The following LIPH variants were observed in gnomAD, a reference collection of about 807,000 sequenced individuals.
LIPH encodes lipase H.
Under a neutral mutation model 47.6 loss-of-function variants are expected in LIPH, and 32 were observed. The observed-to-expected ratio is 0.67, with a 90% CI of 0.51 to 0.90. The LOEUF (loss-of-function observed/expected upper bound fraction) is 0.90. Ranked by LOEUF, LIPH falls within the 40% of genes least tolerant of loss-of-function variation. The probability of loss-of-function intolerance (pLI) is 0.00; values close to 1 mark genes in which losing one functional copy is unlikely to be tolerated. For synonymous variants in LIPH, 190 were observed against 195.6 expected, an observed-to-expected ratio of 0.97 and a Z score of 0.24; for missense variants, 497 against 541.4, an observed-to-expected ratio of 0.92 and a Z score of 0.81.
At chr3:185,518,994 G>C (rs1304931229) in intron 6 of LIPH, 148 bp downstream of exon 6, 9 of 705,680 alleles carry the variant, frequency 1.3e-5, no homozygotes, top group Non-Finnish European at 2.0e-5. Flanking sequence ...AAAGTGCTGG[G>C]ATTACAGGCA....
chr3:185,510,183 A>C (rs1719517922), intron 9 of LIPH, among the ~76,000 whole-genome samples: 1 of 152,154 alleles, frequency 6.6e-6, no homozygotes, highest in Non-Finnish European at 1.5e-5. Context: ...TCCTGACCTC[A>C]GGTGATCCGC....
At chr3:185,538,217 A>G (rs758427954) in intron 1 of LIPH, among the ~76,000 whole-genome samples, 2 of 152,218 alleles carry the variant, frequency 1.3e-5, no homozygotes, top group African/African-American at 2.4e-5. Context: ...AATACTAAAT[A>G]TTATAAAAGC....
At chr3:185,522,216 C>T (rs1719914623) in intron 5 of LIPH, among the ~76,000 whole-genome samples, 1 of 152,196 alleles carries the variant, frequency 6.6e-6, no homozygotes, top group African/African-American at 2.4e-5. Context: ...ACTGCAACCA[C>T]TTGTAAAAAG....
intron 4 of LIPH, 107 bp downstream of exon 4, chr3:185,527,377 G>T (rs1386373565): frequency 2.3e-6 from 2 of 872,022 alleles, no homozygotes; most frequent in African/African-American, 1.7e-5. Flanking sequence ...GGAAAAAAAA[G>T]TTAGAATCTA....
intron 1 of LIPH, 93 bp from the exon 2 acceptor site, chr3:185,535,225 A>G (rs1720469802): frequency 7.0e-7 from 1 of 1,437,562 alleles, no homozygotes; most frequent in South Asian, 1.2e-5. Context: ...AGTTCTTCTT[A>G]TGTTCCTGAT....
chr3:185,523,922 A>C, intron 5 of LIPH, 149 bp downstream of exon 5: 1 of 588,236 alleles, frequency 1.7e-6, no homozygotes, highest in East Asian at 3.2e-5. Context: ...GGGTTTCACT[A>C]TGTTGGCCAG....
chr3:185,534,408 A>G (rs1280606539), intron 2 of LIPH, among the ~76,000 whole-genome samples: 1 of 152,104 alleles, frequency 6.6e-6, no homozygotes, highest in Non-Finnish European at 1.5e-5. Flanking sequence ...AAGAAATCCT[A>G]GACAGAACCT....
intron 3 of LIPH, among the ~76,000 whole-genome samples, chr3:185,528,148 C>T (rs1005250165): frequency 1.7e-4 from 25 of 150,960 alleles, no homozygotes; most frequent in African/African-American, 5.8e-4. Context: ...CGCTTGAACC[C>T]GGGAGGCAGA....
At chr3:185,515,164 T>C (rs1219982095) in intron 7 of LIPH, among the ~76,000 whole-genome samples, 2 of 152,038 alleles carry the variant, frequency 1.3e-5, no homozygotes, top group Admixed American at 1.3e-4. Context: ...CAGCACACTT[T>C]CCTGTATTTA....
At chr3:185,536,625 G>A (rs552850199) in intron 1 of LIPH, among the ~76,000 whole-genome samples, 2 of 152,214 alleles carry the variant, frequency 1.3e-5, no homozygotes, top group East Asian at 3.9e-4. Context: ...GTACTCAGGA[G>A]TGAGTGAAGT....
intron 3 of LIPH, 145 bp from the exon 4 acceptor site, chr3:185,527,730 G>A: frequency 1.5e-6 from 1 of 679,018 alleles, no homozygotes; most frequent in Non-Finnish European, 2.7e-6. Context: ...CACTTGGCCA[G>A]GACTCCTTTC....
At chr3:185,533,918 G>A (rs1372327490) in intron 2 of LIPH, among the ~76,000 whole-genome samples, 4 of 152,324 alleles carry the variant, frequency 2.6e-5, no homozygotes, top group Admixed American at 2.6e-4. Flanking sequence ...GGAGAGAGCA[G>A]AGCAGGATTC....
intron 3 of LIPH, among the ~76,000 whole-genome samples, chr3:185,531,690 G>A (rs555257495): frequency 6.6e-6 from 1 of 151,974 alleles, no homozygotes; most frequent in African/African-American, 2.4e-5. Flanking sequence ...AGGCCAACCT[G>A]GGCAACAACA....
In LIPH at chr3:185,534,997, A is replaced by G. The variant is rs1720459587; in HGVS notation, c.185T>C (p.Phe62Ser). 6.2e-7 allele frequency: 1 copy of G among 1,613,786 alleles called. No homozygotes were observed. Among genetic ancestry groups the G allele is most frequent in the African/African-American group, 1.3e-5 (1 of 74,892 alleles). Residue 62 changes from phenylalanine to serine, a missense_variant, in exon 2 of 10, where the codon TTT becomes TCT. By Grantham distance (155) the Phe-to-Ser change is radical. Coordinates refer to ENST00000296252, the MANE Select transcript of LIPH (RefSeq NM_139248.3). ...TTTCTTGGTCACATTCAAGTTCCCAAAAGCTGAGGAGTTGATGGTTTGTGC... is the reference window on the plus strand; with the variant it reads ...TTTCTTGGTCACATTCAAGTTCCCAGAAGCTGAGGAGTTGATGGTTTGTGC... ...TCAQTINSSAFGNLNVTKKTT... is the reference protein window; with the variant it reads ...TCAQTINSSASGNLNVTKKTT...
intron 4 of LIPH, among the ~76,000 whole-genome samples, chr3:185,526,671 TATAATATAATATAATATAAA>T (rs71164515): frequency 0.54 from 76,690 of 141,896 alleles, 20,930 homozygotes; most frequent in South Asian, 0.72. Context: ...AATAATATAA[TATAATATAATATAATATAAA>T]ATAAATAAAA....
At chr3:185,530,986 A>G (rs1720314176) in intron 3 of LIPH, among the ~76,000 whole-genome samples, 1 of 152,242 alleles carries the variant, frequency 6.6e-6, no homozygotes, top group Non-Finnish European at 1.5e-5. Flanking sequence ...GGTGCTCTTA[A>G]TAATTACACC....
At chr3:185,537,013 T>C (rs1720522951) in intron 1 of LIPH, among the ~76,000 whole-genome samples, 1 of 152,196 alleles carries the variant, frequency 6.6e-6, no homozygotes, top group Non-Finnish European at 1.5e-5. Flanking sequence ...GCCTCCCAAG[T>C]AGCTGGAATT....
chr3:185,518,070 A>C (rs1577667560), intron 6 of LIPH, among the ~76,000 whole-genome samples: 1 of 151,932 alleles, frequency 6.6e-6, no homozygotes, highest in East Asian at 1.9e-4. Context: ...CTCATTGTGG[A>C]CCCTCTCCCA....
intron 4 of LIPH, 107 bp downstream of exon 4, chr3:185,527,377 G>A (rs1386373565): frequency 2.3e-6 from 2 of 872,022 alleles, no homozygotes; most frequent in Non-Finnish European, 3.9e-6. Context: ...GGAAAAAAAA[G>A]TTAGAATCTA....
Sources: gnomAD v4.1 joint callset for allele counts (sites outside exome capture counted in the v4.1 genomes callset) on GRCh38, gnomAD v4.1.1 for gene constraint, MANE v1.5 for transcripts, NCBI Gene and HGNC (gene_info 2026-07-23, HGNC 2026-07-21) for gene names.